Variants in CEP120 observed in about 807,000 individuals in gnomAD.
The protein encoded by CEP120 is centrosomal protein of 120 kDa.
In CEP120, 113 loss-of-function variants were observed where a neutral mutation model predicts 126.5. That is an observed-to-expected ratio of 0.89 (90% CI 0.77 to 1.04). The LOEUF is 1.04. CEP120 is among the 50% of genes least tolerant of loss of function. The pLI is 0.00. For synonymous variants in CEP120, 400 were observed against 394.3 expected (o/e 1.01, Z -0.17); for missense variants, 1,230 against 1,155.7 (o/e 1.06, Z -0.93).
intron 5 of CEP120, among the ~76,000 whole-genome samples, chr5:123,396,645 C>T (rs1772810355): frequency 6.6e-6 from 1 of 152,172 alleles, no homozygotes; most frequent in African/African-American, 2.4e-5. Context: ...TGGTAACTAT[C>T]ACGACTACAT....
intron 4 of CEP120, chr5:123,403,664 G>A: frequency 5.1e-6 from 2 of 392,670 alleles, no homozygotes; most frequent in Non-Finnish European, 9.9e-6. Flanking sequence ...GTTAGCATCA[G>A]AAATAGGACA....
chr5:123,380,951 C>T (rs1467319982), intron 14 of CEP120, among the ~76,000 whole-genome samples: 1 of 151,998 alleles, frequency 6.6e-6, no homozygotes, highest in East Asian at 1.9e-4. Context: ...AGAATAGAGA[C>T]TTTGAAATAC....
chr5:123,420,953 G>A (rs1165254984), intron 1 of CEP120, among the ~76,000 whole-genome samples: 1 of 152,170 alleles, frequency 6.6e-6, no homozygotes, highest in Non-Finnish European at 1.5e-5. Context: ...TATGATGAAT[G>A]GAAATACAGT....
At chr5:123,358,135 C>G (rs184561432) in intron 18 of CEP120, 1 of 152,070 alleles carries the variant, frequency 6.6e-6, no homozygotes, top group East Asian at 1.9e-4. Context: ...TATAAAGGTT[C>G]AAAACATACA....
intron 1 of CEP120, 88 bp downstream of exon 1, chr5:123,422,862 T>C (rs1052617743): frequency 3.3e-6 from 4 of 1,207,486 alleles, no homozygotes; most frequent in Non-Finnish European, 4.9e-6. Context: ...GATGACAGGG[T>C]TCTTAAGGTT....
chr5:123,382,479 A>G (rs1771716224), intron 13 of CEP120, among the ~76,000 whole-genome samples: 1 of 152,138 alleles, frequency 6.6e-6, no homozygotes, highest in Non-Finnish European at 1.5e-5. Flanking sequence ...CCAAATGAGG[A>G]CATGAAATTT....
chr5:123,382,018 A>T, intron 14 of CEP120, 93 bp downstream of exon 14: 1 of 821,446 alleles, frequency 1.2e-6, no homozygotes, highest in Non-Finnish European at 1.9e-6. Flanking sequence ...CACTAAAATT[A>T]GTTATTCCTT....
chr5:123,349,269 T>G (rs1769039031), intron 19 of CEP120, among the ~76,000 whole-genome samples: 1 of 152,178 alleles, frequency 6.6e-6, no homozygotes. Flanking sequence ...TGAATAATGT[T>G]TAAGCTCTGT....
intron 17 of CEP120, among the ~76,000 whole-genome samples, chr5:123,370,787 T>C (rs1022091631): frequency 4.0e-5 from 6 of 148,278 alleles, no homozygotes; most frequent in African/African-American, 1.5e-4. Context: ...TGTATATTTT[T>C]CTACAGAGGC....
chr5:123,413,947 G>T (rs563093419), intron 3 of CEP120, among the ~76,000 whole-genome samples: 2 of 152,052 alleles, frequency 1.3e-5, no homozygotes, highest in African/African-American at 4.8e-5. Context: ...TATTTACAGA[G>T]AATCAATTTA....
intron 16 of CEP120, among the ~76,000 whole-genome samples, chr5:123,374,968 T>C (rs1771106036): frequency 6.6e-6 from 1 of 152,126 alleles, no homozygotes; most frequent in Non-Finnish European, 1.5e-5. Flanking sequence ...ACTGCTATAA[T>C]CTATTTGAGT....
chr5:123,382,708 A>T, intron 13 of CEP120, 29 bp downstream of exon 13: 1 of 1,593,016 alleles, frequency 6.3e-7, no homozygotes, highest in Non-Finnish European at 8.6e-7. Context: ...GACAAAGCAG[A>T]TTTTTTAAAG....
At chr5:123,353,433 A>G (rs1769343898) in intron 18 of CEP120, among the ~76,000 whole-genome samples, 1 of 151,846 alleles carries the variant, frequency 6.6e-6, no homozygotes, top group Non-Finnish European at 1.5e-5. Flanking sequence ...TTAAACTTGT[A>G]TCTTTAATGT....
intron 3 of CEP120, among the ~76,000 whole-genome samples, chr5:123,413,211 G>T (rs1399420672): frequency 6.6e-6 from 1 of 151,876 alleles, no homozygotes; most frequent in Non-Finnish European, 1.5e-5. Context: ...AATCAAAGCT[G>T]CAGTGAGCCA....
intron 18 of CEP120, among the ~76,000 whole-genome samples, chr5:123,355,239 G>T (rs997536712): frequency 4.6e-5 from 7 of 152,016 alleles, no homozygotes; most frequent in Non-Finnish European, 7.4e-5. Flanking sequence ...AGTGCCACAA[G>T]AAACATACGT....
chr5:123,353,625 A>G (rs1769360910), intron 18 of CEP120, among the ~76,000 whole-genome samples: 1 of 151,878 alleles, frequency 6.6e-6, no homozygotes, highest in South Asian at 2.1e-4. Context: ...ATGGGTCTGG[A>G]GCCTTCTTTG....
intron 18 of CEP120, among the ~76,000 whole-genome samples, chr5:123,356,585 C>G (rs879405629): frequency 6.7e-6 from 1 of 149,420 alleles, no homozygotes; most frequent in East Asian, 2.0e-4. Flanking sequence ...ATTTTATGTT[C>G]CTTCTTCTCT....
intron 15 of CEP120, among the ~76,000 whole-genome samples, 175 bp from the exon 16 acceptor site, chr5:123,377,710 ATT>A (rs912330266): frequency 5.9e-5 from 9 of 152,120 alleles, no homozygotes; most frequent in Non-Finnish European, 1.3e-4. Flanking sequence ...GTTTTCAATC[ATT>A]GTTTAATACT....
At chr5:123,381,365 G>A (rs2127045196) in intron 14 of CEP120, among the ~76,000 whole-genome samples, 1 of 140,070 alleles carries the variant, frequency 7.1e-6, no homozygotes, top group Middle Eastern at 3.6e-3. Flanking sequence ...AGAGGAGGGG[G>A]TTATAGAGAG....
Sources: allele counts gnomAD v4.1 joint callset (sites outside exome capture counted in the v4.1 genomes callset), GRCh38; gene constraint gnomAD v4.1.1; transcripts MANE v1.5; gene names NCBI Gene and HGNC (gene_info 2026-07-23, HGNC 2026-07-21).